GPC5: variants seen among roughly 807,000 people sequenced by gnomAD.
The protein encoded by GPC5 is glypican-5.
In GPC5, 47 loss-of-function variants were observed where a neutral mutation model predicts 53.9. The ratio of observed to expected loss-of-function variants is 0.87; its 90% confidence interval spans 0.69 to 1.11. The LOEUF (loss-of-function observed/expected upper bound fraction) is 1.11. Among genes scored for constraint, GPC5 ranks in the 50% most tolerant of loss-of-function variants. The pLI is 0.00. For missense variants in GPC5, 748 were observed against 713.1 expected (o/e 1.05, Z -0.56); for synonymous variants, 286 against 263.3 (o/e 1.09, Z -0.84).
chr13:91,674,599 ATATATATGCGTATGTGTATATATACG>A, intron 2 of GPC5, among the ~76,000 whole-genome samples: 1 of 147,234 alleles, frequency 6.8e-6, no homozygotes, highest in African/African-American at 2.5e-5. Context: ...ATATATACGC[ATATATATGCGTATGTGTATATATACG>A]CATATATATG....
chr13:91,947,463 C>T (rs183796072), intron 6 of GPC5, among the ~76,000 whole-genome samples: 8 of 152,202 alleles, frequency 5.3e-5, no homozygotes, highest in Admixed American at 5.2e-4. Context: ...TAATTTTGGT[C>T]TCCAGTTTTC....
At chr13:91,958,361 A>G (rs942326113) in intron 6 of GPC5, among the ~76,000 whole-genome samples, 1 of 152,108 alleles carries the variant, frequency 6.6e-6, no homozygotes, top group African/African-American at 2.4e-5. Context: ...TGTGCGCCCA[A>G]GGTCAGAGCA....
chr13:92,744,657 A>G (rs1000973767), intron 7 of GPC5, among the ~76,000 whole-genome samples: 2 of 152,108 alleles, frequency 1.3e-5, no homozygotes, highest in Non-Finnish European at 2.9e-5. Flanking sequence ...AGTAATAAAG[A>G]TATTGAAGGA....
At chr13:92,523,089 T>TA (rs1881132744) in intron 7 of GPC5, among the ~76,000 whole-genome samples, 1 of 152,140 alleles carries the variant, frequency 6.6e-6, no homozygotes, top group African/African-American at 2.4e-5. Flanking sequence ...ATGTTATTGA[T>TA]ACAGTTAACG....
intron 7 of GPC5, among the ~76,000 whole-genome samples, chr13:92,163,577 T>C (rs2042006591): frequency 1.3e-5 from 2 of 152,086 alleles, no homozygotes; most frequent in African/African-American, 4.8e-5. Context: ...ATGGAGGCTA[T>C]TATATAATTA....
At chr13:92,031,006 T>G (rs763946686) in intron 6 of GPC5, among the ~76,000 whole-genome samples, 3 of 152,270 alleles carry the variant, frequency 2.0e-5, no homozygotes, top group Non-Finnish European at 2.9e-5. Flanking sequence ...TATAAAAATT[T>G]TTCATGGCCT....
At chr13:91,842,454 GC>G (rs1412730719) in intron 5 of GPC5, among the ~76,000 whole-genome samples, 1 of 149,400 alleles carries the variant, frequency 6.7e-6, no homozygotes, top group Admixed American at 6.7e-5. Flanking sequence ...TGTAATCCTA[GC>G]ACTTTGGGAG....
intron 1 of GPC5, among the ~76,000 whole-genome samples, chr13:91,412,790 C>A (rs9556084): frequency 0.26 from 40,038 of 152,156 alleles, 6,577 homozygotes; most frequent in Admixed American, 0.37. Flanking sequence ...CTGGAGAATT[C>A]CGCAGTATGA....
intron 2 of GPC5, among the ~76,000 whole-genome samples, chr13:91,600,294 C>A (rs1057340824): frequency 6.7e-6 from 1 of 148,830 alleles, no homozygotes; most frequent in Admixed American, 6.7e-5. Context: ...TCATGGTAAT[C>A]GTTCATTTTA....
At chr13:91,910,221 T>C (rs78864102) in intron 6 of GPC5, among the ~76,000 whole-genome samples, 4,844 of 152,266 alleles carry the variant, frequency 0.032, 119 homozygotes, top group Middle Eastern at 0.065. Flanking sequence ...TTTGCCAAAC[T>C]TTTGACTACT....
At chr13:91,975,578 C>T (rs2040292096) in intron 6 of GPC5, among the ~76,000 whole-genome samples, 1 of 152,202 alleles carries the variant, frequency 6.6e-6, no homozygotes, top group African/African-American at 2.4e-5. Context: ...AAGATACCAT[C>T]TCACACCAGT....
chr13:92,759,106 G>C (rs1875049647), intron 7 of GPC5, among the ~76,000 whole-genome samples: 1 of 142,420 alleles, frequency 7.0e-6, no homozygotes, highest in Admixed American at 7.5e-5. Context: ...CCACTGGTCT[G>C]TTTGTCTGTT....
intron 7 of GPC5, among the ~76,000 whole-genome samples, chr13:92,678,558 AAGGGAC>A (rs1185316898): frequency 6.6e-6 from 1 of 152,200 alleles, no homozygotes; most frequent in Non-Finnish European, 1.5e-5. Context: ...TGCTTTGTTT[AAGGGAC>A]AGCAAATAGG....
intron 7 of GPC5, among the ~76,000 whole-genome samples, chr13:92,806,622 A>G (rs1315366771): frequency 3.3e-5 from 5 of 152,040 alleles, no homozygotes; most frequent in East Asian, 1.9e-4. Flanking sequence ...TTTTAGGGTT[A>G]TTAATTAGCC....
chr13:92,072,059 T>G (rs1158233867), intron 6 of GPC5, among the ~76,000 whole-genome samples: 2 of 146,330 alleles, frequency 1.4e-5, no homozygotes, highest in Non-Finnish European at 3.0e-5. Flanking sequence ...TTCATATATT[T>G]TATTTATATA....
chr13:91,997,907 G>A (rs2138747511), intron 6 of GPC5, among the ~76,000 whole-genome samples: 1 of 152,258 alleles, frequency 6.6e-6, no homozygotes, highest in East Asian at 1.9e-4. Context: ...TTTATACTAT[G>A]TTTGGAAATA....
chr13:92,542,088 A>G (rs1881948888), intron 7 of GPC5, among the ~76,000 whole-genome samples: 1 of 152,048 alleles, frequency 6.6e-6, no homozygotes, highest in Admixed American at 6.6e-5. Flanking sequence ...ATCTGGAATA[A>G]AGCATAATGT....
chr13:91,624,599 A>C (rs977824892), intron 2 of GPC5, among the ~76,000 whole-genome samples: 1 of 152,094 alleles, frequency 6.6e-6, no homozygotes. Context: ...CATATTTTAT[A>C]TATCTATAAA....
In GPC5 at chr13:91,662,057, A is replaced by G. The variant is rs988527090; in HGVS notation, c.326-31130A>G. On this transcript the variant is annotated intron_variant, in intron 2 of 7. Transcript: ENST00000377067. ...ACAATTGGGAGTCATTGGCTCACAT[A>G]TGGTATTTAAAGCTATGAGATTGGA... Among the ~76,000 whole-genome samples, 3 of 152,148 alleles carry G rather than the reference A, an allele frequency of 2.0e-5. No homozygotes were observed. The South Asian group carries it at 6.2e-4, about 32-fold the overall frequency.
Sources: gnomAD v4.1 joint callset for allele counts (sites outside exome capture counted in the v4.1 genomes callset) on GRCh38, gnomAD v4.1.1 for gene constraint, MANE v1.5 for transcripts, NCBI Gene and HGNC (gene_info 2026-07-23, HGNC 2026-07-21) for gene names.